TENM2: variants seen among roughly 807,000 people sequenced by gnomAD.
TENM2 encodes the protein teneurin transmembrane protein 2, also known as teneurin-2.
TENM2 carries 52 observed loss-of-function variants against 245.2 expected under a neutral mutation model. The observed-to-expected ratio is 0.21, with a 90% CI of 0.17 to 0.27. The LOEUF (loss-of-function observed/expected upper bound fraction) is 0.27, where lower values mean the gene tolerates loss of function less well. Among genes scored for constraint, TENM2 ranks in the 10% least tolerant of loss-of-function variants. TENM2 has a pLI of 1.00. For synonymous variants in TENM2, 1,363 were observed against 1,438.9 expected (o/e 0.95, Z 1.19); for missense variants, 3,046 against 3,666.8 (o/e 0.83, Z 4.37).
chr5:167,628,049 A>C (rs578012523), intron 2 of TENM2, among the ~76,000 whole-genome samples: 1 of 152,272 alleles, frequency 6.6e-6, no homozygotes, highest in Non-Finnish European at 1.5e-5. Context: ...TCACATAGCA[A>C]ATCTCTGTGT....
chr5:168,073,305 G>A (rs1456888957), intron 7 of TENM2, among the ~76,000 whole-genome samples: 1 of 152,150 alleles, frequency 6.6e-6, no homozygotes, highest in African/African-American at 2.4e-5. Context: ...AACCTGTGAG[G>A]GATTTTAGGG....
Position 167,970,758 on chromosome 5 carries a change from G to A in TENM2, c.947+17936G>A, listed in dbSNP as rs533911238. ...AAATTTTTGTCCTAACATGCAACAC[G>A]TCCTAATGTTCATAATGGTGCCCAT... On this transcript the variant is annotated intron_variant, in intron 4 of 28. Transcript: ENST00000518659. 6.6e-5 allele frequency among the ~76,000 whole-genome samples: 10 copies of A among 152,066 alleles called. No homozygotes were observed. In the South Asian group the frequency reaches 1.2e-3, roughly 19 times the overall value.
the TENM2 span, among the ~76,000 whole-genome samples, chr5:167,000,104 G>A: frequency 6.6e-6 from 1 of 152,154 alleles, no homozygotes; most frequent in Admixed American, 6.6e-5. Flanking sequence ...AACTCCATCA[G>A]ATTTGGCAAT....
chr5:167,583,480 A>G (rs1000336227), intron 2 of TENM2, among the ~76,000 whole-genome samples: 1 of 149,242 alleles, frequency 6.7e-6, no homozygotes, highest in African/African-American at 2.5e-5. Context: ...ATGTACACAC[A>G]CACACACACA....
intron 2 of TENM2, among the ~76,000 whole-genome samples, chr5:167,405,880 A>G (rs954225401): frequency 1.4e-4 from 21 of 152,060 alleles, no homozygotes; most frequent in African/African-American, 4.6e-4. Context: ...AGACAGAAAT[A>G]ATGTGATTGA....
intron 4 of TENM2, among the ~76,000 whole-genome samples, chr5:167,971,049 G>A (rs1173858357): frequency 6.6e-6 from 1 of 152,178 alleles, no homozygotes; most frequent in Admixed American, 6.5e-5. Flanking sequence ...ACATCCTCAT[G>A]TCCTGTCGAT....
chr5:167,981,661 T>A (rs1202165236), intron 4 of TENM2, among the ~76,000 whole-genome samples: 1 of 152,116 alleles, frequency 6.6e-6, no homozygotes, highest in Admixed American at 6.5e-5. Context: ...GATGGCATAG[T>A]TAGAACCCTT....
chr5:167,214,997 G>A, the TENM2 span, among the ~76,000 whole-genome samples: 1 of 152,010 alleles, frequency 6.6e-6, no homozygotes, highest in Non-Finnish European at 1.5e-5. Context: ...TTCTTTCCTA[G>A]ATTATTTATA....
the TENM2 span, among the ~76,000 whole-genome samples, chr5:167,188,914 A>G: frequency 6.6e-6 from 1 of 152,162 alleles, no homozygotes; most frequent in South Asian, 2.1e-4. Context: ...TTTTTTGTCT[A>G]CATTTTGTAC....
At chr5:167,790,148 G>A (rs779602774) in intron 2 of TENM2, among the ~76,000 whole-genome samples, 16 of 151,824 alleles carry the variant, frequency 1.1e-4, no homozygotes, top group Non-Finnish European at 1.8e-4. Flanking sequence ...GCCATGCCCC[G>A]GCTTTGATTC....
chr5:167,817,188 C>T (rs1767125562), intron 2 of TENM2, among the ~76,000 whole-genome samples: 2 of 152,178 alleles, frequency 1.3e-5, no homozygotes, highest in Non-Finnish European at 2.9e-5. Flanking sequence ...GATGTTCACT[C>T]AGTCCAGCAT....
chr5:168,135,103 A>G (rs1474306163), intron 12 of TENM2, among the ~76,000 whole-genome samples: 1 of 152,188 alleles, frequency 6.6e-6, no homozygotes, highest in South Asian at 2.1e-4. Context: ...AGTACCACGC[A>G]TGCCTTCTGG....
chr5:167,732,988 T>C (rs374928949), intron 2 of TENM2, among the ~76,000 whole-genome samples: 7 of 152,214 alleles, frequency 4.6e-5, no homozygotes, highest in Admixed American at 3.9e-4. Flanking sequence ...TTAGTCTGAA[T>C]TTTTTGACAC....
intron 8 of TENM2, 77 bp downstream of exon 10, chr5:168,090,846 T>C (rs1562146087): frequency 2.0e-5 from 26 of 1,315,712 alleles, no homozygotes; most frequent in Middle Eastern, 1.9e-4. Context: ...AGAAGACACA[T>C]CTTCTAAGGT....
At chr5:167,017,359 T>G in the TENM2 span, among the ~76,000 whole-genome samples, 1 of 152,356 alleles carries the variant, frequency 6.6e-6, no homozygotes, top group African/African-American at 2.4e-5. Context: ...GACAAGTAAT[T>G]TTGGCCTCAG....
In TENM2 at chr5:167,682,924, A is replaced by G. The variant is rs764073228; in HGVS notation, c.503-193062A>G. ...CTCAGGCTTTGTCCTTTGTTGTTTT[A>G]TTGGTGAGGAGACAAATAATTAACA... is the stretch of plus-strand genomic sequence containing the variant. On this transcript the variant is annotated intron_variant, in intron 2 of 28. Transcript: ENST00000518659. 4.6e-5 allele frequency among the ~76,000 whole-genome samples: 7 copies of G among 152,328 alleles called. No homozygotes were observed. In the Middle Eastern group the frequency reaches 0.01, roughly 222 times the overall value.
intron 3 of TENM2, among the ~76,000 whole-genome samples, chr5:167,903,497 C>T (rs939522122): frequency 5.2e-5 from 6 of 115,682 alleles, no homozygotes; most frequent in African/African-American, 1.7e-4. Flanking sequence ...AGTGAAATTT[C>T]GGTCACCCAT....
chr5:167,947,932 C>T (rs1157662788), intron 3 of TENM2, among the ~76,000 whole-genome samples: 2 of 152,074 alleles, frequency 1.3e-5, no homozygotes, highest in South Asian at 2.1e-4. Context: ...AAGACTATGG[C>T]GCAAGACAAG....
intron 2 of TENM2, among the ~76,000 whole-genome samples, chr5:167,486,606 G>A (rs956877952): frequency 1.3e-4 from 20 of 152,148 alleles, no homozygotes; most frequent in South Asian, 4.2e-4. Flanking sequence ...GGGATTACAG[G>A]CGTTAGCCAC....
Sources: allele counts gnomAD v4.1 joint callset (sites outside exome capture counted in the v4.1 genomes callset), GRCh38; gene constraint gnomAD v4.1.1; transcripts MANE v1.5; gene names NCBI Gene and HGNC (gene_info 2026-07-23, HGNC 2026-07-21).